The following NPAS3 variants were observed in gnomAD, a reference collection of about 807,000 sequenced individuals.
The protein encoded by NPAS3 is neuronal PAS domain-containing protein 3.
NPAS3 carries 14 observed loss-of-function variants against 73.1 expected under a neutral mutation model. That is an observed-to-expected ratio of 0.19 (90% CI 0.13 to 0.30). The LOEUF (loss-of-function observed/expected upper bound fraction) is 0.30. Ranked by LOEUF, NPAS3 falls within the 10% of genes least tolerant of loss-of-function variation. The pLI, the probability that NPAS3 is intolerant of heterozygous loss-of-function variation, is 1.00. For synonymous variants in NPAS3, 620 were observed against 541.5 expected (o/e 1.14, Z -2.01); for missense variants, 1,096 against 1,250.0 (o/e 0.88, Z 1.86).
At chr14:33,197,381 T>A (rs932668515) in intron 2 of NPAS3, among the ~76,000 whole-genome samples, 1 of 152,002 alleles carries the variant, frequency 6.6e-6, no homozygotes, top group African/African-American at 2.4e-5. Flanking sequence ...GTGAGTGAAA[T>A]TGACTAGAAT....
At position 33,016,106 on chromosome 14, in the gene NPAS3, C is replaced by T. The variant is rs2039382908; in HGVS notation, c.51-39799C>T. Among the ~76,000 whole-genome samples the T allele has an allele frequency of 1.3e-5, 2 of 152,096 alleles. 1 individual carries two copies. The highest frequency in any genetic ancestry group is 4.1e-4 in the South Asian group (2 of 4,832). On this transcript the variant is annotated intron_variant, in intron 1 of 11. Coordinates refer to ENST00000356141, the Ensembl canonical transcript of NPAS3. ...AAAATTGATGCTTTGCCCTAAAAAA[C>T]AATCTCTCAAATGATTGAGGAAACG...
intron 3 of NPAS3, among the ~76,000 whole-genome samples, chr14:33,314,276 A>G (rs1363955798): frequency 6.6e-6 from 1 of 152,220 alleles, no homozygotes; most frequent in East Asian, 1.9e-4. Context: ...TTTGTTAATT[A>G]CTAATTAACT....
At chr14:33,009,852 C>G (rs761621303) in intron 1 of NPAS3, among the ~76,000 whole-genome samples, 1 of 152,110 alleles carries the variant, frequency 6.6e-6, no homozygotes, top group Admixed American at 6.5e-5. Context: ...ACCAAGCAGG[C>G]GCAGACAAGA....
At chr14:33,259,841 TAAG>T (rs546605760) in intron 3 of NPAS3, among the ~76,000 whole-genome samples, 44 of 136,208 alleles carry the variant, frequency 3.2e-4, no homozygotes, top group African/African-American at 1.1e-3. Context: ...AAATAAATAA[TAAG>T]CAGCAGCAGC....
intron 3 of NPAS3, among the ~76,000 whole-genome samples, chr14:33,325,343 T>C (rs2043649043): frequency 6.6e-6 from 1 of 152,104 alleles, no homozygotes. Context: ...CTTTGAGTTA[T>C]TTTAAAATGT....
intron 3 of NPAS3, among the ~76,000 whole-genome samples, chr14:33,348,245 G>A (rs1380809806): frequency 6.6e-6 from 1 of 152,206 alleles, no homozygotes; most frequent in African/African-American, 2.4e-5. Context: ...TGTAGAACCT[G>A]AACTCTTCTT....
chr14:33,377,910 A>T (rs1038102288), intron 4 of NPAS3, among the ~76,000 whole-genome samples: 8 of 152,234 alleles, frequency 5.3e-5, no homozygotes, highest in Non-Finnish European at 1.2e-4. Context: ...GGGACTGCAG[A>T]AAATACTGAG....
intron 4 of NPAS3, among the ~76,000 whole-genome samples, chr14:33,448,842 T>G (rs551427195): frequency 6.6e-6 from 1 of 152,326 alleles, no homozygotes; most frequent in South Asian, 2.1e-4. Flanking sequence ...CTGAACTGGC[T>G]TGGTCAGCCC....
At chr14:33,301,306 T>TTATATATATATATATATATATATA (rs1232866435) in intron 3 of NPAS3, among the ~76,000 whole-genome samples, 2 of 81,142 alleles carry the variant, frequency 2.5e-5, no homozygotes, top group Non-Finnish European at 2.3e-5. Flanking sequence ...GGTTTTATCA[T>TTATATATATATATATATATATATA]TATATATATA....
At chr14:33,235,805 C>CTTTTTTTTTTTTTTTT (rs35968798) in intron 3 of NPAS3, among the ~76,000 whole-genome samples, 2 of 80,630 alleles carry the variant, frequency 2.5e-5, no homozygotes, top group African/African-American at 1.0e-4. Flanking sequence ...TGATACAATT[C>CTTTTTTTTTTTTTTTT]TTTTTTTTTT....
chr14:33,227,472 GA>G (rs1476895443), intron 3 of NPAS3, among the ~76,000 whole-genome samples: 1 of 151,512 alleles, frequency 6.6e-6, no homozygotes, highest in Non-Finnish European at 1.5e-5. Flanking sequence ...AACAACATTT[GA>G]AAAAAAAATT....
intron 1 of NPAS3, among the ~76,000 whole-genome samples, chr14:32,976,752 C>T (rs1385619665): frequency 2.0e-5 from 3 of 152,172 alleles, no homozygotes; most frequent in African/African-American, 7.2e-5. Context: ...CAATTAAAGG[C>T]AAGTAGAAGT....
Position 33,679,066 on chromosome 14 carries a change from TCCTTCCCCTG to T in NPAS3, c.733+2687_733+2696del, listed in dbSNP as rs757680157. Among the ~76,000 whole-genome samples, 22 of 152,312 alleles carry T rather than the reference TCCTTCCCCTG, an allele frequency of 1.4e-4. No individual in the cohort carries two copies. In the Middle Eastern group the frequency reaches 0.01, roughly 71 times the overall value. On this transcript the variant is annotated intron_variant, in intron 6 of 11. Coordinates refer to ENST00000356141, the Ensembl canonical transcript of NPAS3. Reference sequence around the variant, plus strand: ...AAGATACTACAAATTTACTTAGGTTTCCTTCCCCTGCCTTCACCAGCCTTCCTTTAGCCAT... The same window carrying T: ...AAGATACTACAAATTTACTTAGGTTTCCTTCACCAGCCTTCCTTTAGCCAT...
chr14:33,649,155 T>TC (rs2058918447), intron 5 of NPAS3, among the ~76,000 whole-genome samples: 1 of 152,138 alleles, frequency 6.6e-6, no homozygotes, highest in East Asian at 1.9e-4. Flanking sequence ...CAAATGACAA[T>TC]CCCAGTATAC....
intron 3 of NPAS3, among the ~76,000 whole-genome samples, chr14:33,339,276 G>A (rs1291502824): frequency 6.6e-6 from 1 of 152,110 alleles, no homozygotes; most frequent in Non-Finnish European, 1.5e-5. Context: ...GAGTTGTGCT[G>A]TCTCATTTAA....
At chr14:33,545,815 A>G (rs10146472) in intron 4 of NPAS3, among the ~76,000 whole-genome samples, 41,254 of 152,018 alleles carry the variant, frequency 0.27, 6,200 homozygotes, top group African/African-American at 0.4. Flanking sequence ...CGGTCAAGAG[A>G]GGTCACTGTA....
At chr14:33,387,395 G>C (rs533910388) in intron 4 of NPAS3, among the ~76,000 whole-genome samples, 1 of 152,130 alleles carries the variant, frequency 6.6e-6, no homozygotes, top group Non-Finnish European at 1.5e-5. Flanking sequence ...CCGGAGCTTA[G>C]CCAGGGAGAA....
At chr14:33,540,116 T>A (rs888704320) in intron 4 of NPAS3, among the ~76,000 whole-genome samples, 11 of 152,216 alleles carry the variant, frequency 7.2e-5, no homozygotes, top group African/African-American at 2.4e-4. Flanking sequence ...AATGTGAACA[T>A]TCCCTTGTTC....
intron 5 of NPAS3, among the ~76,000 whole-genome samples, chr14:33,632,562 A>C (rs1434935275): frequency 6.6e-6 from 1 of 152,120 alleles, no homozygotes; most frequent in African/African-American, 2.4e-5. Flanking sequence ...CCGGAGCTGG[A>C]GCTGGGTTCC....
Sources: allele counts gnomAD v4.1 joint callset (sites outside exome capture counted in the v4.1 genomes callset), GRCh38; gene constraint gnomAD v4.1.1; transcripts MANE v1.5; gene names NCBI Gene and HGNC (gene_info 2026-07-23, HGNC 2026-07-21).